The following SLIT3 variants were observed in gnomAD, a reference collection of about 807,000 sequenced individuals.
The protein encoded by SLIT3 is slit guidance ligand 3.
Under a neutral mutation model 184.0 loss-of-function variants are expected in SLIT3, and 68 were observed. That is an observed-to-expected ratio of 0.37 (90% CI 0.30 to 0.45). SLIT3 has a LOEUF of 0.45. Among genes scored for constraint, SLIT3 ranks in the 20% least tolerant of loss-of-function variants. The probability of loss-of-function intolerance (pLI) is 1.00; values close to 1 mark genes in which losing one functional copy is unlikely to be tolerated. For synonymous variants in SLIT3, 831 were observed against 828.6 expected, an observed-to-expected ratio of 1.00 and a Z score of -0.05; for missense variants, 1,707 against 2,026.0, an observed-to-expected ratio of 0.84 and a Z score of 3.02.
chr5:168,732,740 G>A (rs1181908723), intron 20 of SLIT3, among the ~76,000 whole-genome samples: 1 of 152,104 alleles, frequency 6.6e-6, no homozygotes, highest in African/African-American at 2.4e-5. Context: ...TTCAATAAAT[G>A]GTGCTGGGAA....
chr5:168,733,525 T>TA (rs1345896718), intron 20 of SLIT3, among the ~76,000 whole-genome samples: 1 of 152,112 alleles, frequency 6.6e-6, no homozygotes, highest in African/African-American at 2.4e-5. Flanking sequence ...ATAGCAAAGA[T>TA]ACGGAATCAA....
At chr5:168,668,978 A>G (rs1175802573) in intron 35 of SLIT3, among the ~76,000 whole-genome samples, 1 of 152,240 alleles carries the variant, frequency 6.6e-6, no homozygotes, top group African/African-American at 2.4e-5. Context: ...CATGTTGGCC[A>G]GGATAGTCAA....
At chr5:168,765,069 C>T (rs1489601728) in intron 14 of SLIT3, among the ~76,000 whole-genome samples, 1 of 152,188 alleles carries the variant, frequency 6.6e-6, no homozygotes, top group African/African-American at 2.4e-5. Flanking sequence ...ATAATGGGAT[C>T]CTTGCAAAGC....
chr5:168,964,786 G>A (rs189010898), intron 4 of SLIT3, among the ~76,000 whole-genome samples: 10 of 152,022 alleles, frequency 6.6e-5, no homozygotes, highest in African/African-American at 2.2e-4. Flanking sequence ...CTGGAGATAA[G>A]CAAAGGGACC....
At chr5:169,126,059 G>A (rs959402904) in intron 4 of SLIT3, among the ~76,000 whole-genome samples, 11 of 152,088 alleles carry the variant, frequency 7.2e-5, no homozygotes, top group East Asian at 1.9e-4. Flanking sequence ...AGACAGAAGC[G>A]GCCCATGGAA....
chr5:169,026,631 A>G (rs556290194), intron 4 of SLIT3: 2 of 152,254 alleles, frequency 1.3e-5, no homozygotes, highest in Non-Finnish European at 2.9e-5. Flanking sequence ...GCATAATCCT[A>G]TTTAAAATAT....
intron 6 of SLIT3, among the ~76,000 whole-genome samples, chr5:168,832,139 C>G (rs947316908): frequency 6.6e-6 from 1 of 152,190 alleles, no homozygotes; most frequent in African/African-American, 2.4e-5. Flanking sequence ...AATGAGATGG[C>G]CTTGGTCTCC....
chr5:169,057,232 T>G (rs575753664), intron 4 of SLIT3, among the ~76,000 whole-genome samples: 1 of 152,274 alleles, frequency 6.6e-6, no homozygotes, highest in East Asian at 1.9e-4. Context: ...GGGAAAAGCA[T>G]GCTCTTCTGA....
chr5:169,212,594 G>C (rs1396227145), intron 3 of SLIT3, among the ~76,000 whole-genome samples: 1 of 151,964 alleles, frequency 6.6e-6, no homozygotes, highest in Non-Finnish European at 1.5e-5. Context: ...AGTTTCTTTT[G>C]CTGTGCAGAA....
At chr5:169,127,197 C>T (rs1303475347) in intron 4 of SLIT3, among the ~76,000 whole-genome samples, 1 of 152,140 alleles carries the variant, frequency 6.6e-6, no homozygotes, top group Non-Finnish European at 1.5e-5. Context: ...CCAATGAGGA[C>T]AATCAGAAAA....
At chr5:169,081,611 C>G (rs1459884485) in intron 4 of SLIT3, among the ~76,000 whole-genome samples, 1 of 152,134 alleles carries the variant, frequency 6.6e-6, no homozygotes, top group East Asian at 1.9e-4. Flanking sequence ...GCAGGGCTTG[C>G]TCTGAGAAGG....
intron 4 of SLIT3, among the ~76,000 whole-genome samples, chr5:168,894,797 C>A (rs1309385613): frequency 6.6e-6 from 1 of 152,208 alleles, no homozygotes; most frequent in South Asian, 2.1e-4. Context: ...TCTCCAAGAA[C>A]AACTTCTCCC....
chr5:168,670,285 A>G (rs1371096997), intron 34 of SLIT3, among the ~76,000 whole-genome samples: 1 of 152,232 alleles, frequency 6.6e-6, no homozygotes, highest in Non-Finnish European at 1.5e-5. Context: ...ACTGCTTGAA[A>G]GAATCTAGCC....
chr5:168,813,697 G>A (rs963681708), intron 8 of SLIT3, among the ~76,000 whole-genome samples: 1 of 152,214 alleles, frequency 6.6e-6, no homozygotes, highest in African/African-American at 2.4e-5. Context: ...GGGTTAGCTG[G>A]AGTGATAAGG....
intron 4 of SLIT3, among the ~76,000 whole-genome samples, chr5:169,077,921 T>TA (rs1427259628): frequency 1.1e-4 from 17 of 152,196 alleles, no homozygotes; most frequent in Non-Finnish European, 1.3e-4. Flanking sequence ...TTTCCTTTTT[T>TA]AAGGCTGTGT....
intron 26 of SLIT3, among the ~76,000 whole-genome samples, chr5:168,703,736 A>C (rs1027729060): frequency 5.9e-5 from 9 of 151,898 alleles, no homozygotes; most frequent in African/African-American, 2.2e-4. Flanking sequence ...GGCGGATCAC[A>C]AGGTCAAGAG....
intron 4 of SLIT3, among the ~76,000 whole-genome samples, chr5:169,092,289 G>A (rs1328221966): frequency 1.3e-5 from 2 of 152,224 alleles, no homozygotes; most frequent in African/African-American, 4.8e-5. Context: ...CAGAGTGAAG[G>A]AGAGGAGCTG....
chr5:169,040,776 GA>G (rs996274593), intron 4 of SLIT3, among the ~76,000 whole-genome samples: 4 of 151,956 alleles, frequency 2.6e-5, no homozygotes, highest in African/African-American at 9.7e-5. Flanking sequence ...TTTTCGAAAG[GA>G]AAAAAAGGTC....
At chr5:168,799,633 C>A (rs2113614625) in intron 9 of SLIT3, among the ~76,000 whole-genome samples, 1 of 152,258 alleles carries the variant, frequency 6.6e-6, no homozygotes, top group South Asian at 2.1e-4. Context: ...ACGGCCGGCA[C>A]AGGGGCATGT....
Sources: allele counts gnomAD v4.1 joint callset (sites outside exome capture counted in the v4.1 genomes callset), GRCh38; gene constraint gnomAD v4.1.1; transcripts MANE v1.5; gene names NCBI Gene and HGNC (gene_info 2026-07-23, HGNC 2026-07-21).